Variants in IL27 observed in about 807,000 individuals in gnomAD.
IL27 encodes the protein interleukin-27 subunit alpha.
In IL27, 11 loss-of-function variants were observed where a neutral mutation model predicts 27.0. That is an observed-to-expected ratio of 0.41 (90% CI 0.26 to 0.67). The LOEUF (loss-of-function observed/expected upper bound fraction) is 0.67. IL27 is among the 30% of genes least tolerant of loss of function. The probability of loss-of-function intolerance (pLI) is 0.34; values close to 1 mark genes in which losing one functional copy is unlikely to be tolerated. For synonymous variants in IL27, 134 were observed against 140.6 expected (o/e 0.95, Z 0.33); for missense variants, 299 against 310.4 (o/e 0.96, Z 0.28).
In IL27 at chr16:28,503,377, G is replaced by A. The variant is rs147093371; in HGVS notation, c.303+318C>T. 5.4e-3 allele frequency among the ~76,000 whole-genome samples: 819 copies of A among 152,220 alleles called. 6 individuals are homozygous for A. The highest frequency in any genetic ancestry group is 0.019 in the African/African-American group (785 of 41,536). Reference sequence around the variant, plus strand: ...CAATCCTCCCATGTCAGCCTCCTGAGTAGCTGGGACCAAAGGTGTACACCA... The same window carrying A: ...CAATCCTCCCATGTCAGCCTCCTGAATAGCTGGGACCAAAGGTGTACACCA... On this transcript the variant is annotated intron_variant, in intron 3 of 4. Coordinates refer to ENST00000356897, the MANE Select transcript of IL27 (RefSeq NM_145659.3).
chr16:28,503,837 G>T (rs771108174), intron 2 of IL27, 41 bp downstream of exon 2: 3 of 1,611,824 alleles, frequency 1.9e-6, no homozygotes, highest in Non-Finnish European at 2.5e-6. Flanking sequence ...GGGATTGGGG[G>T]TCTGCCCATC....
Position 28,499,442 on chromosome 16 carries a change from C to T in IL27, c.*209G>A. ...ATCGGGCCCCAAGACAATAAATAAA[C>T]CATCATCTCCCTAAACAATAAATAA... On this transcript the variant is annotated 3_prime_UTR_variant, in exon 5 of 5. Transcript: ENST00000356897. The T allele has an allele frequency of 1.8e-6, 1 of 547,820 alleles. No individual in the cohort carries two copies. Among genetic ancestry groups the T allele is most frequent in the Non-Finnish European group, 3.3e-6 (1 of 307,090 alleles). 33.9% of individuals were successfully genotyped at this position (547,820 alleles called of 1,614,324 possible). A position where few individuals can be genotyped will look rare whatever the true frequency, so the allele number is the denominator to read the frequency against.
At chr16:28,500,822 G>A (rs989609383) in intron 4 of IL27, among the ~76,000 whole-genome samples, 1 of 152,088 alleles carries the variant, frequency 6.6e-6, no homozygotes, top group African/African-American at 2.4e-5. Context: ...GGCTGTGTGT[G>A]CGCCTGCACA....
rs148391497 is a variant in IL27, at chr16:28,499,491, C to G, written c.*160G>C. ...AAATATCCAAGAAATAAATAGCTGG[C>G]GAGGACCAGAGGGGCTTTCAGTTAC... On this transcript the variant is annotated 3_prime_UTR_variant, in exon 5 of 5. Coordinates refer to ENST00000356897, the MANE Select transcript of IL27 (RefSeq NM_145659.3). 5.1e-6 allele frequency: 3 copies of G among 584,874 alleles called. No individual in the cohort carries two copies. The highest frequency in any genetic ancestry group is 9.3e-6 in the Non-Finnish European group (3 of 324,184). 36.2% of individuals were successfully genotyped at this position (584,874 alleles called of 1,614,324 possible). A position where few individuals can be genotyped will look rare whatever the true frequency, so the allele number is the denominator to read the frequency against.
At position 28,506,823 on chromosome 16, in the gene IL27, G is replaced by T. The variant is rs375817396; in HGVS notation, c.-12C>A. On this transcript the variant is annotated 5_prime_UTR_variant, in exon 1 of 5. It adds an upstream start codon to the 5' untranslated region. Coordinates refer to ENST00000356897, the MANE Select transcript of IL27 (RefSeq NM_145659.3). ...GCCGTCTGGCCCATGGCGGGGCCCA[G>T]CCTCTTTGGTCAGCCATCTCCTGGG... is the stretch of plus-strand genomic sequence containing the variant. 101 of 1,611,318 alleles carry T rather than the reference G, an allele frequency of 6.3e-5. No homozygotes were observed. The African/African-American group carries it at 1.3e-3, about 20-fold the overall frequency.
At chr16:28,502,443 C>T (rs779792368) in intron 3 of IL27, among the ~76,000 whole-genome samples, 1 of 152,034 alleles carries the variant, frequency 6.6e-6, no homozygotes, top group African/African-American at 2.4e-5. Context: ...TCCACCATCC[C>T]ATCATACCTC....
intron 3 of IL27, among the ~76,000 whole-genome samples, chr16:28,503,018 C>A (rs2046441381): frequency 6.6e-6 from 1 of 152,126 alleles, no homozygotes; most frequent in Non-Finnish European, 1.5e-5. Flanking sequence ...GGTGGGGTTT[C>A]TTCATGTTGG....
intron 1 of IL27, among the ~76,000 whole-genome samples, chr16:28,506,143 A>G (rs966128444): frequency 2.6e-5 from 4 of 151,712 alleles, no homozygotes; most frequent in Non-Finnish European, 4.4e-5. Flanking sequence ...ACCTCTGGAG[A>G]CCCCAGACCC....
rs1370713760 is a variant in IL27, at chr16:28,503,989, C to A, written c.93G>T (p.Arg31Ser). The change falls in exon 2 of 5, where the codon AGG (arginine) becomes AGT (serine). Residue 31 changes from arginine (R) to serine (S), a missense_variant. Coordinates refer to ENST00000356897, the MANE Select transcript of IL27 (RefSeq NM_145659.3). ...GGCTCAGCTGGGGCCTCCCTGGGGG[C>A]CTTGGGAATCCCCAGACACCAGCTT... ...LVQAGVWGFP[R>S]PPGRPQLSLQ... 3 of 1,613,764 alleles carry A rather than the reference C, an allele frequency of 1.9e-6. No individual in the cohort carries two copies. The highest frequency in any genetic ancestry group is 1.3e-5 in the African/African-American group (1 of 74,952).
intron 4 of IL27, 137 bp from the exon 5 acceptor site, chr16:28,500,057 G>C: frequency 8.5e-7 from 1 of 1,170,972 alleles, no homozygotes. Flanking sequence ...TTCCCTGCTT[G>C]ATCTTCCATG....
At chr16:28,504,156 G>A in intron 1 of IL27, 106 bp from the exon 2 acceptor site, 1 of 1,185,122 alleles carries the variant, frequency 8.4e-7, no homozygotes, top group Non-Finnish European at 1.2e-6. Flanking sequence ...CAGGCACTTT[G>A]ACCAGCATCA....
intron 4 of IL27, 53 bp from the exon 5 acceptor site, chr16:28,499,973 A>G: frequency 6.7e-7 from 1 of 1,488,178 alleles, no homozygotes. Flanking sequence ...ACCTGAGAGG[A>G]ATCCTCATTC....
At chr16:28,506,561 T>C (rs573528152) in intron 1 of IL27, among the ~76,000 whole-genome samples, 1 of 152,090 alleles carries the variant, frequency 6.6e-6, no homozygotes, top group South Asian at 2.1e-4. Flanking sequence ...AGCCAAGGCC[T>C]CCTTCTCATC....
chr16:28,502,109 G>T lies in IL27; in HGVS notation c.329C>A (p.Ser110Tyr), dbSNP rs1291259297. Residue 110 changes from serine (S) to tyrosine (Y), a missense_variant, in exon 4 of 5, where the codon TCC becomes TAC. Physicochemically the swap from Ser to Tyr is moderately radical, Grantham distance 144. Transcript: ENST00000356897. ...LSDPERLCFI[S>Y]TTLQPFHALL... ...GGCATGGAAGGGCTGAAGCGTGGTG[G>T]AGATGAAGCAGAGACGCTCCGGGTC... is the stretch of plus-strand genomic sequence containing the variant. The T allele has an allele frequency of 6.2e-7, 1 of 1,612,220 alleles. No individual in the cohort carries two copies. Among genetic ancestry groups the T allele is most frequent in the Non-Finnish European group, 8.5e-7 (1 of 1,179,206 alleles).
intron 4 of IL27, among the ~76,000 whole-genome samples, chr16:28,501,337 C>G (rs1433800386): frequency 6.6e-6 from 1 of 151,800 alleles, no homozygotes; most frequent in Non-Finnish European, 1.5e-5. Flanking sequence ...CACACACTCC[C>G]ACACTCTTAC....
At chr16:28,499,958 C>T (rs747799419) in intron 4 of IL27, 38 bp from the exon 5 acceptor site, 38 of 1,506,176 alleles carry the variant, frequency 2.5e-5, no homozygotes, top group African/African-American at 6.9e-5. Context: ...GGGGCCAGGC[C>T]GAGAACCTGA....
chr16:28,503,901 C>A lies in IL27; in HGVS notation c.181G>T (p.Val61Phe). 1 of 1,614,218 alleles carries A rather than the reference C, an allele frequency of 6.2e-7. No individual in the cohort carries two copies. Among genetic ancestry groups the A allele is most frequent in the Non-Finnish European group, 8.5e-7 (1 of 1,180,030 alleles). ...ACAAAGCGGTGGGCCTGGCCCCGAA[C>A]CTCGGAGAGCAGCTTCCTGGCGAGA... ...LHLARKLLSE[V>F]RGQAHRFAES... Residue 61 changes from valine to phenylalanine, a missense_variant, in exon 2 of 5, where the codon GTT becomes TTT. Physicochemically the swap from Val to Phe is conservative, Grantham distance 50. Transcript: ENST00000356897.
chr16:28,501,122 G>A (rs2046426346), intron 4 of IL27, among the ~76,000 whole-genome samples: 1 of 151,976 alleles, frequency 6.6e-6, no homozygotes, highest in Admixed American at 6.6e-5. Flanking sequence ...CTGGGAGGCA[G>A]ATGTTACAGT....
Position 28,499,760 on chromosome 16 carries a change from T to C in IL27, c.623A>G (p.His208Arg). ...PQLLSTYRLL[H>R]SLELVLSRAV... ...CCGAGATAAGACGAGCTCCAAGGAG[T>C]GCAGCAGGCGGTAGGTGGAGAGGAG... Residue 208 changes from histidine (H) to arginine (R), a missense_variant, in exon 5 of 5, where the codon CAC (histidine) becomes CGC (arginine). By Grantham distance (29) the His-to-Arg change is conservative. Coordinates refer to ENST00000356897, the MANE Select transcript of IL27 (RefSeq NM_145659.3). 6.2e-7 allele frequency: 1 copy of C among 1,610,128 alleles called. No individual in the cohort carries two copies. Among genetic ancestry groups the C allele is most frequent in the Non-Finnish European group, 8.5e-7 (1 of 1,179,014 alleles).
Sources: allele counts gnomAD v4.1 joint callset (sites outside exome capture counted in the v4.1 genomes callset), GRCh38; gene constraint gnomAD v4.1.1; transcripts MANE v1.5; gene names NCBI Gene and HGNC (gene_info 2026-07-23, HGNC 2026-07-21).